The following GALNT13 variants were observed in gnomAD, a reference collection of about 807,000 sequenced individuals.
The protein encoded by GALNT13 is UDP-GalNAc:polypeptide N-acetylgalactosaminyltransferase 13.
Under a neutral mutation model 64.2 loss-of-function variants are expected in GALNT13, and 28 were observed. That is an observed-to-expected ratio of 0.44 (90% confidence interval 0.32 to 0.60). The LOEUF (loss-of-function observed/expected upper bound fraction) is 0.60. Ranked by LOEUF, GALNT13 falls within the 20% of genes least tolerant of loss-of-function variation. The probability of loss-of-function intolerance (pLI) is 0.05; values close to 1 mark genes in which losing one functional copy is unlikely to be tolerated. For synonymous variants in GALNT13, 214 were observed against 224.6 expected, an observed-to-expected ratio of 0.95 and a Z score of 0.42; for missense variants, 577 against 669.8, an observed-to-expected ratio of 0.86 and a Z score of 1.53.
the GALNT13 span, among the ~76,000 whole-genome samples, chr2:153,491,914 G>C: frequency 3.3e-5 from 5 of 152,004 alleles, no homozygotes; most frequent in African/African-American, 9.7e-5. Flanking sequence ...TACCATGCCC[G>C]GCCGTATTAT....
the GALNT13 span, among the ~76,000 whole-genome samples, chr2:153,138,087 T>TAA: frequency 6.6e-6 from 1 of 152,080 alleles, no homozygotes; most frequent in Non-Finnish European, 1.5e-5. Context: ...AAAAACTCTC[T>TAA]AAGGAGGTAC....
At chr2:153,619,088 T>G in the GALNT13 span, among the ~76,000 whole-genome samples, 4 of 152,074 alleles carry the variant, frequency 2.6e-5, no homozygotes, top group Non-Finnish European at 5.9e-5. Flanking sequence ...TTTTGTGGAC[T>G]GCTCTTCCTT....
chr2:154,093,227 T>A (rs566406730), intron 3 of GALNT13, among the ~76,000 whole-genome samples: 22 of 152,022 alleles, frequency 1.4e-4, no homozygotes, highest in Admixed American at 2.6e-4. Flanking sequence ...AATTATTTGA[T>A]TATAGGGGAT....
At chr2:153,249,522 A>G in the GALNT13 span, among the ~76,000 whole-genome samples, 1 of 152,216 alleles carries the variant, frequency 6.6e-6, no homozygotes, top group Admixed American at 6.5e-5. Context: ...ATTAGAAAAA[A>G]CTACTTTAAA....
intron 9 of GALNT13, among the ~76,000 whole-genome samples, chr2:154,355,150 C>T (rs1452250734): frequency 1.3e-5 from 2 of 152,082 alleles, no homozygotes; most frequent in African/African-American, 2.4e-5. Flanking sequence ...CGCCCAGCCA[C>T]ATGTTTTTCT....
chr2:153,778,679 C>G, the GALNT13 span, among the ~76,000 whole-genome samples: 1 of 152,214 alleles, frequency 6.6e-6, no homozygotes, highest in Admixed American at 6.5e-5. Context: ...GCCCTATTCT[C>G]TCTGCTAAAT....
the GALNT13 span, among the ~76,000 whole-genome samples, chr2:153,775,731 GTTGTGCACTTAT>G: frequency 6.6e-6 from 1 of 151,966 alleles, no homozygotes; most frequent in Non-Finnish European, 1.5e-5. Flanking sequence ...AATATTCAAA[GTTGTGCACTTAT>G]TTAAGAGCAA....
intron 8 of GALNT13, chr2:154,287,045 A>G (rs1692307438): frequency 3.0e-6 from 2 of 667,892 alleles, no homozygotes; most frequent in Non-Finnish European, 5.5e-6. Flanking sequence ...CAGGTGAGTG[A>G]TGACCTTACA....
chr2:153,286,297 A>G, the GALNT13 span, among the ~76,000 whole-genome samples: 1 of 152,146 alleles, frequency 6.6e-6, no homozygotes, highest in Non-Finnish European at 1.5e-5. Context: ...TTGTTTCTCC[A>G]TTATCTTTAC....
At chr2:154,372,795 TCA>T (rs570456693) in intron 9 of GALNT13, among the ~76,000 whole-genome samples, 1,692 of 144,598 alleles carry the variant, frequency 0.012, 19 homozygotes, top group Non-Finnish European at 0.017. Context: ...ATTTGAGTTT[TCA>T]CAGTGTGCAT....
the GALNT13 span, among the ~76,000 whole-genome samples, chr2:153,451,656 G>A: frequency 1.3e-5 from 2 of 152,200 alleles, 1 homozygote; most frequent in South Asian, 4.1e-4. Flanking sequence ...TAATTCCAGT[G>A]TACTGTATGT....
chr2:154,016,666 T>G (rs1340945907), intron 3 of GALNT13, among the ~76,000 whole-genome samples: 1 of 152,148 alleles, frequency 6.6e-6, no homozygotes, highest in Non-Finnish European at 1.5e-5. Flanking sequence ...TCCGCCTGCC[T>G]CAGCCTCCAA....
chr2:153,651,929 A>G, the GALNT13 span, among the ~76,000 whole-genome samples: 10 of 152,152 alleles, frequency 6.6e-5, no homozygotes, highest in Non-Finnish European at 1.5e-4. Flanking sequence ...TGTTTGCATA[A>G]ATTTTTCAGC....
At chr2:154,132,258 G>A (rs1045773258) in intron 3 of GALNT13, among the ~76,000 whole-genome samples, 2 of 152,126 alleles carry the variant, frequency 1.3e-5, no homozygotes, top group African/African-American at 4.8e-5. Context: ...TATAGATAAT[G>A]CAAATGAAAG....
the GALNT13 span, among the ~76,000 whole-genome samples, chr2:153,840,061 GT>G: frequency 6.6e-6 from 1 of 152,012 alleles, no homozygotes; most frequent in African/African-American, 2.4e-5. Context: ...GCCAATTAAT[GT>G]GGGTGGCACA....
chr2:153,952,664 A>G (rs775078649), intron 3 of GALNT13, among the ~76,000 whole-genome samples: 5 of 152,166 alleles, frequency 3.3e-5, no homozygotes, highest in Non-Finnish European at 5.9e-5. Flanking sequence ...ATAGATGTAT[A>G]TATAAAGGGG....
At chr2:154,167,494 C>T (rs1427468920) in intron 4 of GALNT13, among the ~76,000 whole-genome samples, 2 of 152,148 alleles carry the variant, frequency 1.3e-5, no homozygotes, top group Non-Finnish European at 2.9e-5. Context: ...TTTGAACAAG[C>T]TTTTAGGAGT....
chr2:153,673,933 A>G, the GALNT13 span, among the ~76,000 whole-genome samples: 2 of 152,220 alleles, frequency 1.3e-5, no homozygotes, highest in East Asian at 3.9e-4. Context: ...CCAAATCATG[A>G]GTGAACTCCC....
chr2:153,525,436 G>T, the GALNT13 span, among the ~76,000 whole-genome samples: 7 of 152,272 alleles, frequency 4.6e-5, no homozygotes, highest in Non-Finnish European at 7.3e-5. Flanking sequence ...TAGAGCCGGG[G>T]TCCCCAGTTC....
Sources: allele counts gnomAD v4.1 joint callset (sites outside exome capture counted in the v4.1 genomes callset), GRCh38; gene constraint gnomAD v4.1.1; transcripts MANE v1.5; gene names NCBI Gene and HGNC (gene_info 2026-07-23, HGNC 2026-07-21).